KAZN: variants seen among roughly 807,000 people sequenced by gnomAD.
The protein encoded by KAZN is kazrin, periplakin interacting protein, also known as kazrin.
KAZN carries 40 observed loss-of-function variants against 87.4 expected under a neutral mutation model. The ratio of observed to expected loss-of-function variants is 0.46; its 90% CI spans 0.36 to 0.60. The LOEUF is 0.60. Ranked by LOEUF, KAZN falls within the 20% of genes least tolerant of loss-of-function variation. The probability of loss-of-function intolerance (pLI) is 0.00; values close to 1 mark genes in which losing one functional copy is unlikely to be tolerated. For synonymous variants in KAZN, 466 were observed against 458.3 expected, an observed-to-expected ratio of 1.02 and a Z score of -0.22; for missense variants, 898 against 1,073.9, an observed-to-expected ratio of 0.84 and a Z score of 2.29.
intron 2 of KAZN, among the ~76,000 whole-genome samples, chr1:14,210,270 G>A (rs1269786726): frequency 1.3e-5 from 2 of 152,174 alleles, no homozygotes; most frequent in Non-Finnish European, 2.9e-5. Flanking sequence ...TGCACATGCT[G>A]TCTTGCCTGC....
At chr1:14,723,964 T>C (rs907060529) in intron 1 of KAZN, among the ~76,000 whole-genome samples, 7 of 152,174 alleles carry the variant, frequency 4.6e-5, no homozygotes, top group African/African-American at 9.7e-5. Context: ...TGCAATGACG[T>C]CCACCGAATA....
At chr1:14,445,945 C>T (rs936985136) in intron 2 of KAZN, among the ~76,000 whole-genome samples, 1 of 151,836 alleles carries the variant, frequency 6.6e-6, no homozygotes, top group Non-Finnish European at 1.5e-5. Flanking sequence ...GCCTGTAACC[C>T]TGCACTTTGG....
At chr1:15,079,444 G>A (rs570014724) in intron 8 of KAZN, among the ~76,000 whole-genome samples, 1 of 152,122 alleles carries the variant, frequency 6.6e-6, no homozygotes, top group African/African-American at 2.4e-5. Flanking sequence ...CAATACTGTT[G>A]GCTTATTTTT....
At chr1:14,647,970 T>C (rs1310758527) in intron 1 of KAZN, among the ~76,000 whole-genome samples, 1 of 152,210 alleles carries the variant, frequency 6.6e-6, no homozygotes, top group African/African-American at 2.4e-5. Context: ...GACCTTTCTG[T>C]TTCCTCTGTT....
intron 1 of KAZN, among the ~76,000 whole-genome samples, chr1:14,626,810 T>G (rs183939010): frequency 4.9e-4 from 75 of 152,270 alleles, no homozygotes; most frequent in African/African-American, 1.8e-3. Context: ...CTCGAAGCCT[T>G]TTCCAGACTT....
chr1:15,060,123 C>T lies in KAZN; in HGVS notation c.917-49C>T, dbSNP rs769983904. On this transcript the variant is annotated intron_variant, in intron 5 of 14. Coordinates refer to ENST00000376030, the MANE Select transcript of KAZN (RefSeq NM_201628.3). Reference sequence around the variant, plus strand: ...GGAATAACCGCCAAGGCAGCACAGGCGAGGACGTTCTCTCCATCCCTCACT... The same window carrying T: ...GGAATAACCGCCAAGGCAGCACAGGTGAGGACGTTCTCTCCATCCCTCACT... 15 of 1,609,380 alleles carry T rather than the reference C, an allele frequency of 9.3e-6. No individual in the cohort carries two copies. The African/African-American group carries it at 1.3e-4, about 14-fold the overall frequency.
At chr1:14,268,369 G>A (rs1651660312) in intron 2 of KAZN, among the ~76,000 whole-genome samples, 1 of 151,914 alleles carries the variant, frequency 6.6e-6, no homozygotes, top group East Asian at 1.9e-4. Context: ...AGTTAATAAG[G>A]TGAAAGAAAT....
intron 2 of KAZN, among the ~76,000 whole-genome samples, chr1:14,975,948 CG>C (rs1478768807): frequency 6.7e-6 from 1 of 149,150 alleles, no homozygotes; most frequent in Non-Finnish European, 1.5e-5. Context: ...AGGAGAAAGG[CG>C]CGAACCCGGG....
At chr1:14,429,936 A>T (rs1041815390) in intron 2 of KAZN, among the ~76,000 whole-genome samples, 3 of 152,016 alleles carry the variant, frequency 2.0e-5, no homozygotes, top group Non-Finnish European at 4.4e-5. Flanking sequence ...TATGCTCCAC[A>T]TGATCCTGTC....
At chr1:14,753,539 C>A (rs562922196) in intron 1 of KAZN, among the ~76,000 whole-genome samples, 206 of 151,498 alleles carry the variant, frequency 1.4e-3, no homozygotes, top group Non-Finnish European at 2.2e-3. Context: ...CCAGCATGGG[C>A]AACATAGTGA....
chr1:14,681,699 C>T (rs1178422011), intron 1 of KAZN, among the ~76,000 whole-genome samples: 3 of 80,594 alleles, frequency 3.7e-5, no homozygotes, highest in Non-Finnish European at 4.4e-5. Flanking sequence ...TTTTTTGAGA[C>T]GGAGTCTCGC....
chr1:14,911,370 C>G (rs533845044), intron 1 of KAZN, among the ~76,000 whole-genome samples: 2 of 152,214 alleles, frequency 1.3e-5, no homozygotes, highest in African/African-American at 4.8e-5. Context: ...CTTGAAAGAG[C>G]GAGCACTTCC....
intron 1 of KAZN, among the ~76,000 whole-genome samples, chr1:14,758,832 G>A: frequency 6.6e-6 from 1 of 151,924 alleles, no homozygotes; most frequent in East Asian, 1.9e-4. Context: ...CCTTTCAGAT[G>A]ATGAAAAGAT....
At chr1:14,347,024 T>A (rs1297285398) in intron 2 of KAZN, among the ~76,000 whole-genome samples, 2 of 152,108 alleles carry the variant, frequency 1.3e-5, no homozygotes, top group South Asian at 2.1e-4. Flanking sequence ...AGGATGACCA[T>A]GAGATAAAGG....
intron 2 of KAZN, among the ~76,000 whole-genome samples, chr1:14,464,829 T>G (rs1668030665): frequency 1.3e-5 from 2 of 151,942 alleles, no homozygotes; most frequent in South Asian, 4.2e-4. Flanking sequence ...GCCACCATAC[T>G]CAGCCTAGTC....
chr1:13,953,560 T>C (rs1641432775), intron 1 of KAZN, among the ~76,000 whole-genome samples: 1 of 152,256 alleles, frequency 6.6e-6, no homozygotes, highest in Non-Finnish European at 1.5e-5. Context: ...ATGATAGTTC[T>C]GATCTCAATT....
intron 1 of KAZN, among the ~76,000 whole-genome samples, chr1:14,126,565 T>C (rs1378786307): frequency 6.6e-6 from 1 of 152,124 alleles, no homozygotes; most frequent in Non-Finnish European, 1.5e-5. Context: ...CATTTGAATT[T>C]TACAATGACC....
chr1:14,056,450 C>T lies in KAZN; in HGVS notation c.92-123985C>T, dbSNP rs116806428. On this transcript the variant is annotated intron_variant, in intron 1 of 16. Transcript: ENST00000636203. ...TAGAAGTTGGAAAAAAGCATACAAA[C>T]AGATTTCCCCTGGAGCTTCCAGAAG... Among the ~76,000 whole-genome samples the T allele has an allele frequency of 2.6e-3, 398 of 152,324 alleles. 1 individual carries two copies. The highest frequency in any genetic ancestry group is 4.9e-3 in the Non-Finnish European group (334 of 68,022).
At chr1:14,085,849 A>G (rs2101603945) in intron 1 of KAZN, among the ~76,000 whole-genome samples, 1 of 152,288 alleles carries the variant, frequency 6.6e-6, no homozygotes, top group South Asian at 2.1e-4. Context: ...TTCCAGAGTG[A>G]CTAACATTTT....
Sources: gnomAD v4.1 joint callset for allele counts (sites outside exome capture counted in the v4.1 genomes callset) on GRCh38, gnomAD v4.1.1 for gene constraint, MANE v1.5 for transcripts, NCBI Gene and HGNC (gene_info 2026-07-23, HGNC 2026-07-21) for gene names.